The following PNRC2 variants were observed in gnomAD, a reference collection of about 807,000 sequenced individuals.
PNRC2 encodes proline rich nuclear receptor coactivator 2.
A neutral mutation model predicts 12.2 loss-of-function variants in PNRC2; 2 were observed. The ratio of observed to expected loss-of-function variants is 0.16; its 90% CI spans 0.07 to 0.52. PNRC2 has a LOEUF of 0.52. Among genes scored for constraint, PNRC2 ranks in the 20% least tolerant of loss-of-function variants. The pLI is 0.95. For synonymous variants in PNRC2, 44 were observed against 53.9 expected (o/e 0.82, Z 0.80); for missense variants, 115 against 158.4 (o/e 0.73, Z 1.47).
chr1:23,960,836 G>A (rs919813692), intron 1 of PNRC2, 93 bp from the exon 2 acceptor site: 5 of 396,070 alleles, frequency 1.3e-5, no homozygotes, highest in Non-Finnish European at 1.8e-5. Flanking sequence ...TCAGGAAGTA[G>A]CCTTCTTTAC....
At chr1:23,960,707 G>A (rs1641260897) in intron 1 of PNRC2, among the ~76,000 whole-genome samples, 1 of 152,194 alleles carries the variant, frequency 6.6e-6, no homozygotes. Flanking sequence ...GCGGGACTTG[G>A]AGACACTTAC....
chr1:23,961,267 AT>A, intron 2 of PNRC2, 133 bp downstream of exon 2: 1 of 537,112 alleles, frequency 1.9e-6, no homozygotes, highest in Non-Finnish European at 3.3e-6. Flanking sequence ...AAGGTTGTGC[AT>A]ATATTGAAGT....
In PNRC2 at chr1:23,960,916, T is replaced by A. The variant is rs1430935177; in HGVS notation, c.-224-13T>A. ...GTGTTTTTGAAATAATGAAGTAATC[T>A]TTACTTTTCTAGCTAGGACTTCTCT... On this transcript the variant is annotated splice_polypyrimidine_tract_variant and intron_variant, in intron 1 of 2. Transcript: ENST00000334351. The A allele has an allele frequency of 5.0e-6, 2 of 398,930 alleles. No individual in the cohort carries two copies. The highest frequency in any genetic ancestry group is 7.1e-5 in the East Asian group (2 of 28,080). 24.7% of individuals were successfully genotyped at this position (398,930 alleles called of 1,614,324 possible).
rs1641245423 is a variant in PNRC2, at chr1:23,960,011, T to C, written c.-225+13T>C. 6.6e-6 allele frequency: 1 copy of C among 152,218 alleles called. No homozygotes were observed. Among genetic ancestry groups the C allele is most frequent in the Non-Finnish European group, 1.5e-5 (1 of 68,036 alleles). The allele number at this position is 152,218 out of a possible 1,614,324, so 9.4% of individuals were successfully genotyped here. ...GAGCTTGAAGTCAGTAAGTAGCGGC[T>C]GCGCTAAGGGCGCGGCCATGTTGGT... is the stretch of plus-strand genomic sequence containing the variant. On this transcript the variant is annotated intron_variant, in intron 1 of 2. Transcript: ENST00000334351.
chr1:23,961,576 A>T lies in PNRC2; in HGVS notation c.119A>T (p.His40Leu). 6.2e-7 allele frequency: 1 copy of T among 1,613,948 alleles called. No homozygotes were observed. Among genetic ancestry groups the T allele is most frequent in the Non-Finnish European group, 8.5e-7 (1 of 1,179,810 alleles). ...CAGAATTCCCAGATGAAGATTGTTC[A>T]TAAGAAAAAAGAAAGAGGACATGGT... Reference protein sequence around the residue: ...KEQNSQMKIVHKKKERGHGYN... With the variant: ...KEQNSQMKIVLKKKERGHGYN... The change falls in exon 3 of 3, where the codon CAT becomes CTT. Residue 40 changes from histidine (H) to leucine (L), a missense_variant. His to Leu is a moderately conservative substitution (Grantham distance 99). Transcript: ENST00000334351.
rs1366228870 is a variant in PNRC2, at chr1:23,959,851, G to A, written c.-372G>A. The A allele has an allele frequency of 6.6e-6, 1 of 152,330 alleles. No homozygotes were observed. The highest frequency in any genetic ancestry group is 1.5e-5 in the Non-Finnish European group (1 of 68,116). 9.4% of individuals were successfully genotyped at this position (152,330 alleles called of 1,614,324 possible). On this transcript the variant is annotated 5_prime_UTR_variant, in exon 1 of 3. Coordinates refer to ENST00000334351, the MANE Select transcript of PNRC2 (RefSeq NM_017761.4). ...TTGTCGGTAGAGGCAGAAGGAGAAGGTCGGGTTGTAGAAGCTGGGGTGGCC... is the reference window on the plus strand; with the variant it reads ...TTGTCGGTAGAGGCAGAAGGAGAAGATCGGGTTGTAGAAGCTGGGGTGGCC...
Position 23,961,462 on chromosome 1 carries a change from G to A in PNRC2, c.5G>A (p.Gly2Asp). The change falls in exon 3 of 3, where the codon GGT becomes GAT. Residue 2 changes from glycine to aspartate, a missense_variant. Gly to Asp is a moderately conservative substitution (Grantham distance 94). Around this residue, in one of 2 missense-constraint regions of PNRC2, gnomAD observed 98 missense variants for 112.4 expected, o/e 0.87. Transcript: ENST00000334351. ...TAGGTGACAAAGAAGCTGAAGATGG[G>A]TGGTGGAGAGAGGTATAACATTCCA... M[G>D]GGERYNIPAP... 1.2e-6 allele frequency: 2 copies of A among 1,602,566 alleles called. No homozygotes were observed. Among genetic ancestry groups the A allele is most frequent in the Non-Finnish European group, 1.7e-6 (2 of 1,174,946 alleles).
In PNRC2 at chr1:23,962,981, G is replaced by C. The variant is rs1263689612; in HGVS notation, c.*1104G>C. ...GGACTATCTTTTTTTCCTCCTCTAA[G>C]CCCAAAGATTAACTAGAGTCCCTCC... On this transcript the variant is annotated 3_prime_UTR_variant, in exon 3 of 3. Coordinates refer to ENST00000334351, the MANE Select transcript of PNRC2 (RefSeq NM_017761.4). 3.0e-5 allele frequency: 5 copies of C among 166,812 alleles called. No individual in the cohort carries two copies. Among genetic ancestry groups the C allele is most frequent in the Non-Finnish European group, 5.9e-5 (4 of 68,032 alleles). The allele number at this position is 166,812 out of a possible 1,614,324, so 10.3% of individuals were successfully genotyped here.
In PNRC2 at chr1:23,962,333, C is replaced by T. The variant is rs1208625523; in HGVS notation, c.*456C>T. On this transcript the variant is annotated 3_prime_UTR_variant, in exon 3 of 3. Coordinates refer to ENST00000334351, the MANE Select transcript of PNRC2 (RefSeq NM_017761.4). The stretch of plus-strand genomic sequence containing the variant: ...CTGCTGAAAGAAAATGTGAATTTTT[C>T]GTAATAATTGCATTTTAGTGAATTG... 1.4e-3 allele frequency: 245 copies of T among 169,880 alleles called. No homozygotes were observed. Among genetic ancestry groups the T allele is most frequent in the African/African-American group, 5.5e-3 (228 of 41,374 alleles). The allele number at this position is 169,880 out of a possible 1,614,324, so 10.5% of individuals were successfully genotyped here. A position where few individuals can be genotyped will look rare whatever the true frequency, so the allele number is the denominator to read the frequency against.
chr1:23,962,604 G>C lies in PNRC2; in HGVS notation c.*727G>C, dbSNP rs1641302625. Reference sequence around the variant, plus strand: ...CCTGCAAAGCTTGCTTTGGGGAGTTGGATAATGTGAAAATTTTAAGTACCT... The same window carrying C: ...CCTGCAAAGCTTGCTTTGGGGAGTTCGATAATGTGAAAATTTTAAGTACCT... On this transcript the variant is annotated 3_prime_UTR_variant, in exon 3 of 3. Transcript: ENST00000334351. The C allele has an allele frequency of 1.2e-5, 2 of 167,000 alleles. No individual in the cohort carries two copies. Among genetic ancestry groups the C allele is most frequent in the African/African-American group, 4.8e-5 (2 of 41,406 alleles). The allele number at this position is 167,000 out of a possible 1,614,324, so 10.3% of individuals were successfully genotyped here. A position where few individuals can be genotyped will look rare whatever the true frequency, so the allele number is the denominator to read the frequency against.
intron 2 of PNRC2, 121 bp from the exon 3 acceptor site, chr1:23,961,319 C>A: frequency 1.6e-6 from 1 of 632,908 alleles, no homozygotes; most frequent in Non-Finnish European, 2.6e-6. Context: ...AGCTGAATAG[C>A]CTGTTATTGA....
intron 2 of PNRC2, 37 bp downstream of exon 2, chr1:23,961,171 C>G (rs1641269616): frequency 2.4e-6 from 1 of 417,612 alleles, no homozygotes; most frequent in Non-Finnish European, 4.2e-6. Context: ...TATGATGGAA[C>G]CATCCTAAAC....
At chr1:23,960,736 A>C (rs1032581139) in intron 1 of PNRC2, among the ~76,000 whole-genome samples, 193 bp from the exon 2 acceptor site, 4 of 152,218 alleles carry the variant, frequency 2.6e-5, no homozygotes, top group Non-Finnish European at 4.4e-5. Context: ...CCCAGGAGTG[A>C]CTGGATCTCA....
chr1:23,959,707 C>G (rs1641240511), upstream of PNRC2: 1 of 152,986 alleles, frequency 6.5e-6, no homozygotes, highest in Non-Finnish European at 1.5e-5. Context: ...CGCCTTCGCC[C>G]CCGGCCAGCC....
rs1339311893 is a variant in PNRC2, at chr1:23,962,120, G to C, written c.*243G>C. 7 of 356,982 alleles carry C rather than the reference G, an allele frequency of 2.0e-5. No individual in the cohort carries two copies. Among genetic ancestry groups the C allele is most frequent in the Middle Eastern group, 8.1e-4 (1 of 1,234 alleles). The allele number at this position is 356,982 out of a possible 1,614,324, so 22.1% of individuals were successfully genotyped here. ...AAACCAAGTTTAGATTTGGGGAGTG[G>C]TAAAGGAATCAGCTTTTTCTATTGT... On this transcript the variant is annotated 3_prime_UTR_variant, in exon 3 of 3. Transcript: ENST00000334351.
rs774417701 is a variant in PNRC2, at chr1:23,961,874, A to G, written c.417A>G (p.Val139=). Residue 139 remains valine (V), a synonymous_variant, in exon 3 of 3, where the codon GTA becomes GTG. Transcript: ENST00000334351. ...TTAAAACCTTACTTAAAGTACAGGT[A>G]TAAAATAAGACAAATGTTTAAATTT... ...FQLKTLLKVQ[V] is the part of the protein sequence containing the mutation. 2 of 1,514,882 alleles carry G rather than the reference A, an allele frequency of 1.3e-6. No individual in the cohort carries two copies. The highest frequency in any genetic ancestry group is 2.8e-5 in the African/African-American group (2 of 71,554). 93.8% of individuals were successfully genotyped at this position (1,514,882 alleles called of 1,614,324 possible). A position where few individuals can be genotyped will look rare whatever the true frequency, so the allele number is the denominator to read the frequency against.
Position 23,962,826 on chromosome 1 carries a change from C to CCAGT in PNRC2, c.*950_*953dup, listed in dbSNP as rs1279842170. ...TAAAGTTTGCCCTTGTGCTAAAGTG[C>CCAGT]CAGTGTATGTATGTTATACTTGATT... On this transcript the variant is annotated 3_prime_UTR_variant, in exon 3 of 3. Coordinates refer to ENST00000334351, the MANE Select transcript of PNRC2 (RefSeq NM_017761.4). 3.0e-5 allele frequency: 5 copies of CCAGT among 166,494 alleles called. No homozygotes were observed. The Admixed American group carries it at 3.3e-4, about 11-fold the overall frequency. The allele number at this position is 166,494 out of a possible 1,614,324, so 10.3% of individuals were successfully genotyped here.
chr1:23,960,457 A>G (rs1038000096), intron 1 of PNRC2, among the ~76,000 whole-genome samples: 2 of 152,314 alleles, frequency 1.3e-5, no homozygotes, highest in Admixed American at 1.3e-4. Flanking sequence ...GGAGGAGGCG[A>G]GAGCGTTCAT....
intron 2 of PNRC2, 22 bp downstream of exon 2, chr1:23,961,156 C>T (rs1641268595): frequency 4.8e-6 from 2 of 416,700 alleles, no homozygotes; most frequent in Non-Finnish European, 8.5e-6. Flanking sequence ...AATGGGCAAA[C>T]ATTTTATGAT....
Sources: allele counts gnomAD v4.1 joint callset (sites outside exome capture counted in the v4.1 genomes callset), GRCh38; gene constraint gnomAD v4.1.1; regional missense constraint gnomAD v4.1.1; transcripts MANE v1.5; gene names NCBI Gene and HGNC (gene_info 2026-07-23, HGNC 2026-07-21).